METTL1: variants seen among roughly 807,000 people sequenced by gnomAD.
The protein encoded by METTL1 is tRNA (guanine-N(7)-)-methyltransferase.
METTL1 carries 14 observed loss-of-function variants against 27.7 expected under a neutral mutation model. The ratio of observed to expected loss-of-function variants is 0.51; its 90% confidence interval spans 0.33 to 0.79. METTL1 has a LOEUF of 0.79. Ranked by LOEUF, METTL1 falls within the 30% of genes least tolerant of loss-of-function variation. The probability of loss-of-function intolerance (pLI) is 0.02; values close to 1 mark genes in which losing one functional copy is unlikely to be tolerated. For synonymous variants in METTL1, 138 were observed against 137.0 expected, an observed-to-expected ratio of 1.01 and a Z score of -0.05; for missense variants, 333 against 359.6, an observed-to-expected ratio of 0.93 and a Z score of 0.60.
chr12:57,769,940 C>A lies in METTL1; in HGVS notation c.291G>T (p.Leu97=). ...GACCCAGAATAAGTGTGTCTGGGAA[C>A]AGCGGTGACAGTTCCACTGCACACA... The part of the protein sequence containing the change: ...YGGLLVELSP[L]FPDTLILGLE... The change falls in exon 3 of 6, where the codon CTG becomes CTT. Residue 97 remains leucine, a synonymous_variant. Coordinates refer to ENST00000324871, the MANE Select transcript of METTL1 (RefSeq NM_005371.6). The A allele has an allele frequency of 6.2e-7, 1 of 1,608,628 alleles. No individual in the cohort carries two copies. The highest frequency in any genetic ancestry group is 8.5e-7 in the Non-Finnish European group (1 of 1,176,908).
At position 57,771,116 on chromosome 12, in the gene METTL1, G is replaced by A; in HGVS notation, c.252C>T (p.Gly84=). The change falls in exon 2 of 6, where the codon GGC becomes GGT. Residue 84 remains glycine (G), a synonymous_variant. Coordinates refer to ENST00000324871, the MANE Select transcript of METTL1 (RefSeq NM_005371.6). Reference sequence around the variant, plus strand: ...TACCTAACAGGCCACCATAGCCACAGCCTATGTCTGCAAACTCCACTTGGG... The same window carrying A: ...TACCTAACAGGCCACCATAGCCACAACCTATGTCTGCAAACTCCACTTGGG... ...AQAQVEFADI[G]CGYGGLLVEL... The A allele has an allele frequency of 6.2e-7, 1 of 1,613,978 alleles. No homozygotes were observed. Among genetic ancestry groups the A allele is most frequent in the Non-Finnish European group, 8.5e-7 (1 of 1,180,032 alleles).
At chr12:57,769,184 C>A (rs900420861) in intron 5 of METTL1, 33 bp from the exon 6 acceptor site, 2 of 1,602,922 alleles carry the variant, frequency 1.2e-6, no homozygotes, top group Non-Finnish European at 1.7e-6. Context: ...AAGTCCTTGC[C>A]CACTGTTCAG....
intron 2 of METTL1, 69 bp from the exon 3 acceptor site, chr12:57,770,025 GA>G: frequency 6.8e-7 from 1 of 1,480,494 alleles, no homozygotes; most frequent in Non-Finnish European, 9.1e-7. Context: ...GTCAACACAG[GA>G]AAGGAAGCCT....
At chr12:57,771,525 A>G (rs2140404067) in intron 1 of METTL1, 1 of 1,532,194 alleles carries the variant, frequency 6.5e-7, no homozygotes, top group South Asian at 1.2e-5. Context: ...TGGCCGGGTA[A>G]CTGCCCTTTC....
chr12:57,769,858 C>T lies in METTL1; in HGVS notation c.373G>A (p.Ala125Thr), dbSNP rs373817508. The T allele has an allele frequency of 5.0e-6, 8 of 1,614,044 alleles. No individual in the cohort carries two copies. The highest frequency in any genetic ancestry group is 4.5e-5 in the East Asian group (2 of 44,896). The change falls in exon 3 of 6, where the codon GCA becomes ACA. Residue 125 changes from alanine (A) to threonine (T), a missense_variant. Ala to Thr is a moderately conservative substitution (Grantham distance 58). Transcript: ENST00000324871. ...TTCTGGAAGCCACCTGCAGGAGCTG[C>T]GCGTAGGGCCCGAATCCGGTCTTGT... ...YVQDRIRALR[A>T]APAGGFQNIA... is the part of the protein sequence containing the mutation.
At chr12:57,771,653 G>A (rs1391456017) in intron 1 of METTL1, 2 of 1,524,624 alleles carry the variant, frequency 1.3e-6, no homozygotes, top group African/African-American at 1.4e-5. Flanking sequence ...TTGTGTATAT[G>A]TTTGCCTTTT....
intron 1 of METTL1, chr12:57,771,591 CTTTGTG>C (rs781455402): frequency 4.0e-5 from 62 of 1,535,442 alleles, no homozygotes; most frequent in Non-Finnish European, 4.9e-5. Flanking sequence ...TGGGATCCTA[CTTTGTG>C]TTTGTGCTCT....
In METTL1 at chr12:57,769,829, G is replaced by A. The variant is rs61756705; in HGVS notation, c.402C>T (p.Ile134=). 3.2e-5 allele frequency: 52 copies of A among 1,614,188 alleles called. No homozygotes were observed. Among genetic ancestry groups the A allele is most frequent in the East Asian group, 4.5e-5 (2 of 44,880 alleles). ...TCATGGCATTGCTACGGAGACAGGC[G>A]ATGTTCTGGAAGCCACCTGCAGGAG... is the stretch of plus-strand genomic sequence containing the variant. ...RAAPAGGFQN[I]ACLRSNAMKH... The change falls in exon 3 of 6, where the codon ATC becomes ATT. Residue 134 remains isoleucine, a synonymous_variant. Coordinates refer to ENST00000324871, the MANE Select transcript of METTL1 (RefSeq NM_005371.6).
At chr12:57,769,264 C>G in intron 5 of METTL1, 39 bp downstream of exon 5, 2 of 1,612,672 alleles carry the variant, frequency 1.2e-6, no homozygotes, top group African/African-American at 1.3e-5. Flanking sequence ...CAGAACCACT[C>G]TGGAAAGGGC....
chr12:57,769,069 G>A lies in METTL1; in HGVS notation c.758C>T (p.Pro253Leu). ...KVLRNGGKNF[P>L]AIFRRIQDPV... is the part of the protein sequence containing the mutation. ...ATCTTGTATTCTTCGGAAGATGGCT[G>A]GGAAATTCTTCCCTCCATTACGTAG... Residue 253 changes from proline (P) to leucine (L), a missense_variant, in exon 6 of 6, where the codon CCA (proline) becomes CTA (leucine). By Grantham distance (98) the Pro-to-Leu change is moderately conservative. Coordinates refer to ENST00000324871, the MANE Select transcript of METTL1 (RefSeq NM_005371.6). 2 of 1,612,194 alleles carry A rather than the reference G, an allele frequency of 1.2e-6. No homozygotes were observed. The highest frequency in any genetic ancestry group is 2.2e-5 in the East Asian group (1 of 44,812).
At chr12:57,771,404 C>T (rs1366414155) in intron 1 of METTL1, 147 bp from the exon 2 acceptor site, 4 of 1,461,540 alleles carry the variant, frequency 2.7e-6, no homozygotes, top group African/African-American at 1.4e-5. Flanking sequence ...CCTGTGGCCT[C>T]TAAGAGGGAC....
rs1955439078 is a variant in METTL1, at chr12:57,771,963, C to T, written c.110+11G>A. Reference sequence around the variant, plus strand: ...CCCGCCCTCCTCTCTCTCCCTCTGCCCACTCCTCACTAGCGCAGCGTGTGG... The same window carrying T: ...CCCGCCCTCCTCTCTCTCCCTCTGCTCACTCCTCACTAGCGCAGCGTGTGG... On this transcript the variant is annotated intron_variant, in intron 1 of 5. Transcript: ENST00000324871. 2.0e-6 allele frequency: 3 copies of T among 1,507,810 alleles called. No individual in the cohort carries two copies. Among genetic ancestry groups the T allele is most frequent in the Non-Finnish European group, 2.6e-6 (3 of 1,134,160 alleles). 93.4% of individuals were successfully genotyped at this position (1,507,810 alleles called of 1,614,324 possible).
At chr12:57,771,300 A>G (rs1015424315) in intron 1 of METTL1, 43 bp from the exon 2 acceptor site, 1 of 1,554,102 alleles carries the variant, frequency 6.4e-7, no homozygotes, top group Non-Finnish European at 8.8e-7. Flanking sequence ...GGTTGGTCAC[A>G]CCATTGCAGA....
chr12:57,769,798 G>C lies in METTL1; in HGVS notation c.433C>G (p.Leu145Val). 6.2e-7 allele frequency: 1 copy of C among 1,614,214 alleles called. No homozygotes were observed. Residue 145 changes from leucine (L) to valine (V), a missense_variant, in exon 3 of 6, where the codon CTT (leucine) becomes GTT (valine). Physicochemically the swap from Leu to Val is conservative, Grantham distance 32. Transcript: ENST00000324871. ...TGGCCCTTGTAGAAGAAGTTAGGAA[G>C]GTGCTTCATGGCATTGCTACGGAGA... ...ACLRSNAMKH[L>V]PNFFYKGQLT...
rs570777302 is a variant in METTL1, at chr12:57,768,504, C to A, written c.*492G>T. 3.7e-4 allele frequency: 57 copies of A among 155,188 alleles called. No homozygotes were observed. Among genetic ancestry groups the A allele is most frequent in the Admixed American group, 8.2e-4 (13 of 15,776 alleles). The allele number at this position is 155,188 out of a possible 1,614,324, so 9.6% of individuals were successfully genotyped here. ...CACAGATTCCCCAGGTCAAGTCTTA[C>A]GCAGGGAGAGGACAGGAGGATGGTA... On this transcript the variant is annotated 3_prime_UTR_variant, in exon 6 of 6. Coordinates refer to ENST00000324871, the MANE Select transcript of METTL1 (RefSeq NM_005371.6).
chr12:57,771,461 G>A (rs2140404003), intron 1 of METTL1: 4 of 1,487,026 alleles, frequency 2.7e-6, no homozygotes, highest in Non-Finnish European at 3.6e-6. Context: ...GGACCATCAT[G>A]AGGCCCATAA....
chr12:57,769,565 C>T lies in METTL1; in HGVS notation c.573G>A (p.Gly191=). The T allele has an allele frequency of 6.4e-7, 1 of 1,554,346 alleles. No individual in the cohort carries two copies. The highest frequency in any genetic ancestry group is 8.7e-7 in the Non-Finnish European group (1 of 1,147,422). Residue 191 remains glycine (G), a splice_region_variant and synonymous_variant, in exon 4 of 6, where the codon GGG becomes GGA. Coordinates refer to ENST00000324871, the MANE Select transcript of METTL1 (RefSeq NM_005371.6). Reference sequence around the variant, plus strand: ...CATCATCCCTCCGATCCCAACTCACCCCAACTCTTAGCACGTAGGCATATT... The same window carrying T: ...CATCATCCCTCCGATCCCAACTCACTCCAACTCTTAGCACGTAGGCATATT... ...LAEYAYVLRV[G]GLVYTITDVL...
In METTL1 at chr12:57,769,023, G is replaced by A. The variant is rs370602083; in HGVS notation, c.804C>T (p.Thr268=). Reference sequence around the variant, plus strand: ...AGTGACCAGGCAGGCTGGTTTGGGAGGTCACTGCCTGGAGGACGGGATCTT... The same window carrying A: ...AGTGACCAGGCAGGCTGGTTTGGGAAGTCACTGCCTGGAGGACGGGATCTT... ...RIQDPVLQAV[T]SQTSLPGH is the part of the protein sequence containing the mutation. The change falls in exon 6 of 6, where the codon ACC becomes ACT. Residue 268 remains threonine, a synonymous_variant. Transcript: ENST00000324871. The A allele has an allele frequency of 1.2e-6, 2 of 1,607,052 alleles. No individual in the cohort carries two copies. The highest frequency in any genetic ancestry group is 2.7e-5 in the African/African-American group (2 of 74,792).
chr12:57,769,820 G>C lies in METTL1; in HGVS notation c.411C>G (p.Leu137=). The C allele has an allele frequency of 6.2e-7, 1 of 1,614,230 alleles. No individual in the cohort carries two copies. The highest frequency in any genetic ancestry group is 8.5e-7 in the Non-Finnish European group (1 of 1,180,058). Residue 137 remains leucine, a synonymous_variant, in exon 3 of 6, where the codon CTC becomes CTG. Transcript: ENST00000324871. ...PAGGFQNIAC[L]RSNAMKHLPN... ...GAAGGTGCTTCATGGCATTGCTACG[G>C]AGACAGGCGATGTTCTGGAAGCCAC...
Sources: allele counts gnomAD v4.1 joint callset, GRCh38; gene constraint gnomAD v4.1.1; transcripts MANE v1.5; gene names NCBI Gene and HGNC (gene_info 2026-07-23, HGNC 2026-07-21).